Variants in ATRNL1 observed in about 807,000 individuals in gnomAD.
The protein encoded by ATRNL1 is attractin like 1.
Under a neutral mutation model 182.7 loss-of-function variants are expected in ATRNL1, and 95 were observed. That is an observed-to-expected ratio of 0.52 (90% confidence interval 0.44 to 0.62). The LOEUF (loss-of-function observed/expected upper bound fraction) is 0.62, where lower values mean the gene tolerates loss of function less well. Ranked by LOEUF, ATRNL1 falls within the 20% of genes least tolerant of loss-of-function variation. The pLI, the probability that ATRNL1 is intolerant of heterozygous loss-of-function variation, is 0.00. For missense variants in ATRNL1, 1,471 were observed against 1,679.5 expected, an observed-to-expected ratio of 0.88 and a Z score of 2.17; for synonymous variants, 576 against 568.3, an observed-to-expected ratio of 1.01 and a Z score of -0.19.
intron 19 of ATRNL1, among the ~76,000 whole-genome samples, chr10:115,382,401 C>G (rs1389915727): frequency 2.0e-5 from 3 of 151,730 alleles, no homozygotes; most frequent in African/African-American, 7.3e-5. Context: ...TCTTGTACTT[C>G]TTTTATTAAA....
intron 8 of ATRNL1, among the ~76,000 whole-genome samples, chr10:115,175,003 G>A (rs565455085): frequency 1.5e-3 from 224 of 151,954 alleles, no homozygotes; most frequent in African/African-American, 5.0e-3. Flanking sequence ...CTGCCTCCAC[G>A]GAGCATATTT....
intron 13 of ATRNL1, among the ~76,000 whole-genome samples, chr10:115,280,958 T>G (rs1340150261): frequency 6.6e-6 from 1 of 152,236 alleles, no homozygotes; most frequent in Non-Finnish European, 1.5e-5. Context: ...TTGTAATACC[T>G]TTGAACAAGG....
intron 24 of ATRNL1, among the ~76,000 whole-genome samples, chr10:115,478,747 A>T (rs1439238343): frequency 6.6e-6 from 1 of 151,706 alleles, no homozygotes; most frequent in Admixed American, 6.6e-5. Flanking sequence ...AGGGTAAAAA[A>T]ATGGAAAGTT....
intron 27 of ATRNL1, chr10:115,820,370 A>G (rs1459898093): frequency 6.6e-6 from 1 of 152,100 alleles, no homozygotes; most frequent in East Asian, 1.9e-4. Context: ...CACAGTGTTT[A>G]TGGCAGGGAG....
rs114166991 is a variant in ATRNL1, at chr10:115,685,534, A to G, written c.3796-41714A>G. Among the ~76,000 whole-genome samples, 981 of 152,004 alleles carry G rather than the reference A, an allele frequency of 6.5e-3. 12 individuals are homozygous for G. Among genetic ancestry groups the G allele is most frequent in the African/African-American group, 0.023 (937 of 41,572 alleles). On this transcript the variant is annotated intron_variant, in intron 26 of 28. Transcript: ENST00000355044. The stretch of plus-strand genomic sequence containing the variant: ...AGTCTGTGAAATCCAAAATGTGAGA[A>G]TCATCCATTTAGATAATTCGTCTTA...
At chr10:115,175,263 T>C (rs76614968) in intron 8 of ATRNL1, among the ~76,000 whole-genome samples, 1,790 of 152,146 alleles carry the variant, frequency 0.012, 34 homozygotes, top group African/African-American at 0.04. Flanking sequence ...TCAGACATAA[T>C]GGTGGTTATG....
intron 27 of ATRNL1, among the ~76,000 whole-genome samples, chr10:115,823,494 G>A (rs373042321): frequency 3.9e-5 from 6 of 152,182 alleles, no homozygotes; most frequent in African/African-American, 4.8e-5. Flanking sequence ...TATTGTCTGC[G>A]TTTGCAGATG....
chr10:115,848,255 A>G (rs1250085194), intron 28 of ATRNL1, among the ~76,000 whole-genome samples: 1 of 152,188 alleles, frequency 6.6e-6, no homozygotes, highest in African/African-American at 2.4e-5. Flanking sequence ...GTATGTTCCC[A>G]TTAATTGCTG....
In ATRNL1 at chr10:115,527,992, CCCTCCCTTCCTTCCTT is replaced by C. The variant is rs1432542356; in HGVS notation, c.3716+8672_3716+8687del. On this transcript the variant is annotated intron_variant, in intron 25 of 28. Transcript: ENST00000355044. ...TCCCTCCTTCCCTCCCTCCCTCCCT[CCCTCCCTTCCTTCCTT>C]CCTTCCTTCCTTCCTTCCCTCCTTC... Among the ~76,000 whole-genome samples the C allele has an allele frequency of 3.3e-4, 16 of 48,330 alleles. 1 individual carries two copies. In the East Asian group the frequency reaches 5.4e-3, roughly 16 times the overall value. 31.7% of individuals were successfully genotyped at this position (48,330 alleles called of 152,430 possible).
intron 19 of ATRNL1, among the ~76,000 whole-genome samples, chr10:115,389,340 A>C (rs570520113): frequency 1.3e-4 from 20 of 151,370 alleles, no homozygotes; most frequent in South Asian, 4.2e-4. Context: ...CCCCATCTCT[A>C]CTAAATATAC....
At chr10:115,366,676 T>G (rs1554946055) in intron 19 of ATRNL1, among the ~76,000 whole-genome samples, 1 of 151,724 alleles carries the variant, frequency 6.6e-6, no homozygotes, top group Non-Finnish European at 1.5e-5. Context: ...CTTTCCATGT[T>G]TAGTGCTTCC....
intron 19 of ATRNL1, among the ~76,000 whole-genome samples, chr10:115,353,812 CAAA>C (rs1286907669): frequency 3.3e-5 from 5 of 152,014 alleles, no homozygotes. Flanking sequence ...ACTCTAATCT[CAAA>C]GAAGAGGGAA....
At chr10:115,539,658 T>C (rs1185083798) in intron 25 of ATRNL1, among the ~76,000 whole-genome samples, 1 of 152,130 alleles carries the variant, frequency 6.6e-6, no homozygotes, top group Non-Finnish European at 1.5e-5. Flanking sequence ...TCCCATTTTT[T>C]CTCTTTTTCC....
intron 5 of ATRNL1, among the ~76,000 whole-genome samples, chr10:115,139,592 C>T (rs1172816199): frequency 2.0e-5 from 3 of 152,094 alleles, no homozygotes; most frequent in African/African-American, 7.2e-5. Context: ...AAGACCTACC[C>T]CCATGTTTCA....
chr10:115,231,602 A>G (rs1367624591), intron 9 of ATRNL1, among the ~76,000 whole-genome samples: 4 of 152,136 alleles, frequency 2.6e-5, no homozygotes, highest in African/African-American at 7.2e-5. Context: ...AATGATGCCA[A>G]AAATAAAGGG....
At chr10:115,810,338 G>A (rs1404641687) in intron 27 of ATRNL1, among the ~76,000 whole-genome samples, 4 of 151,868 alleles carry the variant, frequency 2.6e-5, no homozygotes, top group Non-Finnish European at 5.9e-5. Flanking sequence ...TCTGTTTTCT[G>A]GAGAGTTTGC....
intron 20 of ATRNL1, among the ~76,000 whole-genome samples, chr10:115,395,871 T>C (rs991984011): frequency 6.6e-6 from 1 of 151,792 alleles, no homozygotes; most frequent in Non-Finnish European, 1.5e-5. Context: ...TGGTTTTGAA[T>C]TATATATGTA....
chr10:115,277,576 TCAAAA>T (rs1189539729), intron 13 of ATRNL1, among the ~76,000 whole-genome samples: 1 of 152,058 alleles, frequency 6.6e-6, no homozygotes, highest in Non-Finnish European at 1.5e-5. Context: ...ATACCTATAG[TCAAAA>T]CAAAACAAAA....
intron 26 of ATRNL1, among the ~76,000 whole-genome samples, chr10:115,713,711 T>TCATCTATCTAG (rs1947154624): frequency 7.0e-6 from 1 of 142,390 alleles, no homozygotes; most frequent in African/African-American, 2.7e-5. Context: ...CTATCATCTA[T>TCATCTATCTAG]CTATCTATCT....
Sources: allele counts gnomAD v4.1 joint callset (sites outside exome capture counted in the v4.1 genomes callset), GRCh38; gene constraint gnomAD v4.1.1; transcripts MANE v1.5; gene names NCBI Gene and HGNC (gene_info 2026-07-23, HGNC 2026-07-21).